Variants in ANKRD11 observed in about 807,000 individuals in gnomAD.
The protein encoded by ANKRD11 is ankyrin repeat domain 11.
Under a neutral mutation model 195.7 loss-of-function variants are expected in ANKRD11, and 17 were observed. The observed-to-expected ratio is 0.09, with a 90% confidence interval of 0.06 to 0.13. The LOEUF is 0.13. ANKRD11 is among the 10% of genes least tolerant of loss of function. The probability of loss-of-function intolerance (pLI) is 1.00; values close to 1 mark genes in which losing one functional copy is unlikely to be tolerated. For synonymous variants in ANKRD11, 1,953 were observed against 1,528.1 expected (o/e 1.28, Z -6.49); for missense variants, 3,735 against 3,566.1 (o/e 1.05, Z -1.21).
intron 1 of ANKRD11, among the ~76,000 whole-genome samples, chr16:89,483,439 G>A (rs139429402): frequency 1.6e-3 from 247 of 152,338 alleles, no homozygotes; most frequent in African/African-American, 5.7e-3. Context: ...TGAACTGTAA[G>A]TGCAAGCGTG....
chr16:89,409,501 A>C (rs1386081099), intron 2 of ANKRD11, among the ~76,000 whole-genome samples: 1 of 152,148 alleles, frequency 6.6e-6, no homozygotes, highest in Non-Finnish European at 1.5e-5. Flanking sequence ...GGAGATGAGC[A>C]AGACAGCTAG....
At chr16:89,468,705 T>C (rs961436161) in intron 1 of ANKRD11, among the ~76,000 whole-genome samples, 8 of 151,876 alleles carry the variant, frequency 5.3e-5, no homozygotes, top group African/African-American at 1.4e-4. Flanking sequence ...AGACGCTATC[T>C]CAAAAAAAAA....
intron 1 of ANKRD11, among the ~76,000 whole-genome samples, chr16:89,461,994 G>A (rs936002315): frequency 4.0e-5 from 6 of 151,408 alleles, no homozygotes; most frequent in East Asian, 1.9e-4. Context: ...CGTCTGTCAC[G>A]AGCTTCATTT....
At chr16:89,321,782 C>A (rs1340905921) in intron 2 of ANKRD11, among the ~76,000 whole-genome samples, 3 of 152,112 alleles carry the variant, frequency 2.0e-5, no homozygotes, top group Non-Finnish European at 4.4e-5. Flanking sequence ...CCATGAACAA[C>A]CTGGGTCTGG....
intron 2 of ANKRD11, among the ~76,000 whole-genome samples, chr16:89,373,962 G>A (rs1169513737): frequency 2.0e-5 from 3 of 152,232 alleles, no homozygotes; most frequent in Non-Finnish European, 4.4e-5. Flanking sequence ...TGGGGCCCTG[G>A]CCCACTCGAC....
intron 1 of ANKRD11, among the ~76,000 whole-genome samples, chr16:89,430,914 C>T (rs1222535970): frequency 6.6e-6 from 1 of 152,154 alleles, no homozygotes; most frequent in East Asian, 1.9e-4. Flanking sequence ...GTGCTTCCTC[C>T]TGCATCACAA....
intron 1 of ANKRD11, chr16:89,489,223 ACACGCG>A (rs765239639): frequency 1.5e-4 from 16 of 104,282 alleles, no homozygotes; most frequent in South Asian, 2.8e-4. Context: ...ACACACACAC[ACACGCG>A]CGCGCGCGCG....
At chr16:89,489,894 CACCCAGGCCCGCCCGGAGCCCCCGT>C (rs2057760230) in intron 1 of ANKRD11, among the ~76,000 whole-genome samples, 2 of 146,228 alleles carry the variant, frequency 1.4e-5, no homozygotes, top group African/African-American at 2.5e-5. Flanking sequence ...GGCCCCCGGC[CACCCAGGCCCGCCCGGAGCCCCCGT>C]CCGCCCCTTA....
chr16:89,454,923 G>C (rs1333868128), intron 1 of ANKRD11, among the ~76,000 whole-genome samples: 5 of 113,270 alleles, frequency 4.4e-5, no homozygotes, highest in African/African-American at 1.8e-4. Flanking sequence ...TGCTGTTAGG[G>C]TTCCTCAAGC....
intron 2 of ANKRD11, among the ~76,000 whole-genome samples, chr16:89,393,529 C>T (rs1167206497): frequency 1.4e-5 from 2 of 139,956 alleles, no homozygotes. Flanking sequence ...TAAATAGAGA[C>T]GGGGTTTCAC....
At chr16:89,435,056 G>A (rs2043155822) in intron 1 of ANKRD11, among the ~76,000 whole-genome samples, 2 of 152,172 alleles carry the variant, frequency 1.3e-5, no homozygotes, top group Admixed American at 6.5e-5. Flanking sequence ...TGGGTCGGGT[G>A]GGGACTTGGA....
rs2034161253 is a variant in ANKRD11 at position 89,280,833 on chromosome 16, G to A, written c.5709C>T (p.Leu1903=). ...CCAGGTCCGGGGGAAGGGCCCCTTC[G>A]AGGGAAGGAACCAGCAGCTCGGCTC... ...SPRAELLVPS[L]EGALPPDLDT... The change falls in exon 9 of 13, where the codon CTC becomes CTT. Residue 1903 remains leucine, a synonymous_variant. Coordinates refer to ENST00000301030, the MANE Select transcript of ANKRD11 (RefSeq NM_013275.6). 4 of 1,601,372 alleles carry A rather than the reference G, an allele frequency of 2.5e-6. No homozygotes were observed. Among genetic ancestry groups the A allele is most frequent in the Middle Eastern group, 1.7e-4 (1 of 6,022 alleles).
rs777867963 is a variant in ANKRD11, at chr16:89,283,109, T to C, written c.3433A>G (p.Arg1145Gly). The C allele has an allele frequency of 1.2e-6, 2 of 1,614,022 alleles. No individual in the cohort carries two copies. Among genetic ancestry groups the C allele is most frequent in the Admixed American group, 1.7e-5 (1 of 60,018 alleles). The change falls in exon 9 of 13, where the codon AGG (arginine) becomes GGG (glycine). Residue 1145 changes from arginine (R) to glycine (G), a missense_variant. Coordinates refer to ENST00000301030, the MANE Select transcript of ANKRD11 (RefSeq NM_013275.6). This position sits in a 1 kb window ranked among gnomAD's most constrained non-coding sequence, Gnocchi z 4.3. ...TCCTTCTCCTGGAGGCCGTCCGTCCTCGGCAAGTCGCTGGCCTCTCCCATC... is the reference window on the plus strand; with the variant it reads ...TCCTTCTCCTGGAGGCCGTCCGTCCCCGGCAAGTCGCTGGCCTCTCCCATC... ...FKMGEASDLP[R>G]TDGLQEKEEG...
intron 1 of ANKRD11, among the ~76,000 whole-genome samples, 153 bp downstream of exon 1, chr16:89,490,092 C>G (rs1202067240): frequency 2.0e-5 from 3 of 148,774 alleles, no homozygotes; most frequent in Non-Finnish European, 3.0e-5. Context: ...CCCGGGCCCC[C>G]AAAGACCCCC....
chr16:89,293,492 G>C (rs962007230), intron 4 of ANKRD11, among the ~76,000 whole-genome samples: 58 of 150,218 alleles, frequency 3.9e-4, no homozygotes, highest in Non-Finnish European at 7.1e-4. Flanking sequence ...GGAGGAGCTG[G>C]GGCAGAGTTG....
At chr16:89,386,138 T>C (rs1177436678) in intron 2 of ANKRD11, among the ~76,000 whole-genome samples, 1 of 152,176 alleles carries the variant, frequency 6.6e-6, no homozygotes, top group Non-Finnish European at 1.5e-5. Flanking sequence ...CATTACAGAT[T>C]AAGAAAATAC....
chr16:89,360,921 A>G (rs1443528221), intron 2 of ANKRD11, among the ~76,000 whole-genome samples: 1 of 152,174 alleles, frequency 6.6e-6, no homozygotes, highest in Non-Finnish European at 1.5e-5. Context: ...TTGCCCCTGC[A>G]CTGAGCCTGT....
intron 2 of ANKRD11, among the ~76,000 whole-genome samples, chr16:89,342,214 G>C (rs1350892022): frequency 2.0e-5 from 3 of 152,278 alleles, no homozygotes; most frequent in African/African-American, 4.8e-5. Flanking sequence ...CACCATGAGA[G>C]AGAAAAAGAT....
At chr16:89,414,100 G>A (rs571685702) in intron 2 of ANKRD11, among the ~76,000 whole-genome samples, 26 of 152,160 alleles carry the variant, frequency 1.7e-4, no homozygotes, top group South Asian at 2.1e-4. Context: ...CTGCGCACTC[G>A]GGGACACTGA....
Sources: allele counts gnomAD v4.1 joint callset (sites outside exome capture counted in the v4.1 genomes callset), GRCh38; gene constraint gnomAD v4.1.1; non-coding constraint Gnocchi (gnomAD v3.1); transcripts MANE v1.5; gene names NCBI Gene and HGNC (gene_info 2026-07-23, HGNC 2026-07-21).